EPHA6: variants seen among roughly 807,000 people sequenced by gnomAD.
EPHA6 encodes ephrin type-A receptor 6.
In EPHA6, 50 loss-of-function variants were observed where a neutral mutation model predicts 112.0. That is an observed-to-expected ratio of 0.45 (90% CI 0.36 to 0.56). The LOEUF is 0.56. Among genes scored for constraint, EPHA6 ranks in the 20% least tolerant of loss-of-function variants. The pLI is 0.00. For synonymous variants in EPHA6, 529 were observed against 490.7 expected, an observed-to-expected ratio of 1.08 and a Z score of -1.03; for missense variants, 1,280 against 1,417.4, an observed-to-expected ratio of 0.90 and a Z score of 1.56.
chr3:96,998,536 AGAT>A (rs1239245252), intron 3 of EPHA6, among the ~76,000 whole-genome samples: 2 of 151,898 alleles, frequency 1.3e-5, no homozygotes, highest in Non-Finnish European at 2.9e-5. Context: ...GTAGAATACA[AGAT>A]GATGATGATT....
At chr3:97,673,908 T>C (rs2031110404) in intron 14 of EPHA6, among the ~76,000 whole-genome samples, 1 of 152,240 alleles carries the variant, frequency 6.6e-6, no homozygotes, top group African/African-American at 2.4e-5. Context: ...AGGACTATAT[T>C]TTATCCTTGA....
chr3:97,304,442 A>C (rs991633979), intron 5 of EPHA6, among the ~76,000 whole-genome samples: 1 of 152,050 alleles, frequency 6.6e-6, no homozygotes, highest in Non-Finnish European at 1.5e-5. Context: ...AGCCAAGAAA[A>C]TCCTAAGCAA....
chr3:97,075,019 C>T (rs1477496091), intron 3 of EPHA6, among the ~76,000 whole-genome samples: 1 of 151,876 alleles, frequency 6.6e-6, no homozygotes, highest in African/African-American at 2.4e-5. Context: ...TGCTTTTCTA[C>T]CATTGTAGGG....
chr3:97,080,730 T>C (rs1177988909), intron 3 of EPHA6, among the ~76,000 whole-genome samples: 1 of 152,096 alleles, frequency 6.6e-6, no homozygotes, highest in East Asian at 1.9e-4. Flanking sequence ...GTTTCATATG[T>C]ATGTGGTTTT....
chr3:97,186,809 C>T (rs528955295), intron 3 of EPHA6, among the ~76,000 whole-genome samples: 2 of 152,194 alleles, frequency 1.3e-5, no homozygotes, highest in East Asian at 1.9e-4. Context: ...CAAATACAGC[C>T]AGTAGCATTC....
chr3:97,192,987 C>T (rs941325664), intron 3 of EPHA6, among the ~76,000 whole-genome samples: 4 of 152,054 alleles, frequency 2.6e-5, no homozygotes, highest in African/African-American at 9.7e-5. Flanking sequence ...TATTCTGTTC[C>T]ACTGGTCTTC....
At chr3:96,993,442 A>G (rs1177903639) in intron 3 of EPHA6, among the ~76,000 whole-genome samples, 1 of 151,894 alleles carries the variant, frequency 6.6e-6, no homozygotes, top group Non-Finnish European at 1.5e-5. Context: ...GATTTGTTGG[A>G]CAGGATAGTC....
At chr3:97,262,691 T>A (rs1322848576) in intron 5 of EPHA6, among the ~76,000 whole-genome samples, 1 of 152,208 alleles carries the variant, frequency 6.6e-6, no homozygotes, top group African/African-American at 2.4e-5. Context: ...ATTTTTCATA[T>A]CTACCACTCC....
intron 3 of EPHA6, among the ~76,000 whole-genome samples, chr3:97,160,261 C>T (rs1342026542): frequency 6.6e-6 from 1 of 151,916 alleles, no homozygotes; most frequent in East Asian, 1.9e-4. Flanking sequence ...GTGCATTCAC[C>T]TAGGACACAA....
intron 7 of EPHA6, among the ~76,000 whole-genome samples, chr3:97,458,035 T>A (rs1229044359): frequency 8.8e-6 from 1 of 113,164 alleles, no homozygotes; most frequent in Non-Finnish European, 1.6e-5. Context: ...GCCACTGCAC[T>A]CCAGCCTGGG....
At chr3:97,214,036 T>TGAGA (rs1385755964) in intron 3 of EPHA6, among the ~76,000 whole-genome samples, 29 of 130,974 alleles carry the variant, frequency 2.2e-4, no homozygotes, top group African/African-American at 8.7e-4. Flanking sequence ...TGTGTGTGTG[T>TGAGA]GTGAGAGAGA....
At chr3:97,702,149 T>C (rs150829709) in intron 14 of EPHA6, among the ~76,000 whole-genome samples, 1 of 152,298 alleles carries the variant, frequency 6.6e-6, no homozygotes, top group Non-Finnish European at 1.5e-5. Context: ...ATTTTAGCAT[T>C]CAGAAATATT....
chr3:97,343,553 C>T (rs975769817), intron 5 of EPHA6, among the ~76,000 whole-genome samples: 1 of 152,100 alleles, frequency 6.6e-6, no homozygotes, highest in Non-Finnish European at 1.5e-5. Context: ...GTATGGCAAA[C>T]CAACCTTTGT....
intron 3 of EPHA6, among the ~76,000 whole-genome samples, chr3:97,082,497 C>T (rs1420290701): frequency 6.6e-6 from 1 of 151,780 alleles, no homozygotes; most frequent in African/African-American, 2.4e-5. Flanking sequence ...GTCAGCTATG[C>T]TCAATTTTCC....
chr3:96,877,790 T>C (rs1160457173), intron 2 of EPHA6, among the ~76,000 whole-genome samples: 2 of 151,958 alleles, frequency 1.3e-5, no homozygotes, highest in Non-Finnish European at 2.9e-5. Flanking sequence ...AATATAATGC[T>C]TAACTTAGTC....
Position 97,491,089 on chromosome 3 carries a change from T to C in EPHA6, c.2200+7030T>C, listed in dbSNP as rs375375983. Among the ~76,000 whole-genome samples the C allele has an allele frequency of 1.8e-4, 28 of 152,152 alleles. 2 individuals are homozygous for C. Among genetic ancestry groups the C allele is most frequent in the East Asian group, 1.4e-3 (7 of 5,182 alleles). ...GTAAGACAGAAGTCACAGTGTTTTATAACCTAATCATGGAAGTGACAGCAA... is the reference window on the plus strand; with the variant it reads ...GTAAGACAGAAGTCACAGTGTTTTACAACCTAATCATGGAAGTGACAGCAA... On this transcript the variant is annotated intron_variant, in intron 10 of 17. Coordinates refer to ENST00000389672, the MANE Select transcript of EPHA6 (RefSeq NM_001080448.3).
chr3:97,637,900 C>A lies in EPHA6; in HGVS notation c.2602C>A (p.Gln868Lys). Residue 868 changes from glutamine (Q) to lysine (K), a missense_variant, in exon 14 of 18, where the codon CAG becomes AAG. Physicochemically the swap from Gln to Lys is moderately conservative, Grantham distance 53. This residue lies in a region of EPHA6 where 878 missense variants were observed against 999.7 expected (regional missense o/e 0.88). Coordinates refer to ENST00000389672, the MANE Select transcript of EPHA6 (RefSeq NM_001080448.3). ...RKHDGHFTVI[Q>K]LVGMLRGIAS... Reference sequence around the variant, plus strand: ...GCATGATGGCCACTTCACAGTCATCCAGTTGGTCGGAATGCTCCGAGGCAT... The same window carrying A: ...GCATGATGGCCACTTCACAGTCATCAAGTTGGTCGGAATGCTCCGAGGCAT... 6.2e-7 allele frequency: 1 copy of A among 1,613,820 alleles called. No homozygotes were observed. Among genetic ancestry groups the A allele is most frequent in the South Asian group, 1.1e-5 (1 of 91,080 alleles).
chr3:97,016,545 A>AT (rs1454307793), intron 3 of EPHA6, among the ~76,000 whole-genome samples: 1 of 152,254 alleles, frequency 6.6e-6, no homozygotes, highest in Non-Finnish European at 1.5e-5. Context: ...AATGAGACTT[A>AT]TTTATAATAG....
At chr3:97,194,649 A>G (rs966948145) in intron 3 of EPHA6, among the ~76,000 whole-genome samples, 16 of 150,910 alleles carry the variant, frequency 1.1e-4, no homozygotes, top group African/African-American at 2.9e-4. Context: ...GATCTGTCCA[A>G]TGCTGAAAGT....
Sources: gnomAD v4.1 joint callset for allele counts (sites outside exome capture counted in the v4.1 genomes callset) on GRCh38, gnomAD v4.1.1 for gene constraint, gnomAD v4.1.1 regional missense constraint, MANE v1.5 for transcripts, NCBI Gene and HGNC (gene_info 2026-07-23, HGNC 2026-07-21) for gene names.